TMEM255A: variants seen among roughly 807,000 people sequenced by gnomAD.
The protein encoded by TMEM255A is family with sequence similarity 70, member A.
TMEM255A carries 14 observed loss-of-function variants against 23.5 expected under a neutral mutation model. That is an observed-to-expected ratio of 0.60 (90% CI 0.39 to 0.93). The LOEUF (loss-of-function observed/expected upper bound fraction) is 0.93. Ranked by LOEUF, TMEM255A falls within the 40% of genes least tolerant of loss-of-function variation. TMEM255A has a pLI of 0.00. For synonymous variants in TMEM255A, 104 were observed against 100.3 expected, an observed-to-expected ratio of 1.04 and a Z score of -0.22; for missense variants, 233 against 261.7, an observed-to-expected ratio of 0.89 and a Z score of 0.76.
the TMEM255A span, among the ~76,000 whole-genome samples, chrX:120,253,186 C>T: frequency 8.9e-6 from 1 of 111,792 alleles, no homozygotes; most frequent in Non-Finnish European, 1.9e-5. Context: ...CTGTTCAAAT[C>T]TCTGTAACAA....
chrX:120,296,442 C>CTATT (rs2057956737), intron 2 of TMEM255A, among the ~76,000 whole-genome samples: 41 of 102,868 alleles, frequency 4.0e-4, no homozygotes, highest in African/African-American at 8.8e-4. Context: ...CTATTCCACT[C>CTATT]CAATGCATTC....
chrX:120,259,710 A>C lies in TMEM255A; in HGVS notation c.*1160T>G, dbSNP rs898950795. 2 of 112,463 alleles carry C rather than the reference A, an allele frequency of 1.8e-5. No homozygotes were observed. Among genetic ancestry groups the C allele is most frequent in the Admixed American group, 1.9e-4 (2 of 10,595 alleles). 9.3% of individuals were successfully genotyped at this position (112,463 alleles called of 1,213,427 possible). Reference sequence around the variant, plus strand: ...CTCATCAGGTTGATGGTTTAAAGCTATGTGTAATTAAAAGAACTGTACAAA... The same window carrying C: ...CTCATCAGGTTGATGGTTTAAAGCTCTGTGTAATTAAAAGAACTGTACAAA... On this transcript the variant is annotated 3_prime_UTR_variant, in exon 9 of 9. Coordinates refer to ENST00000371369, the MANE Select transcript of TMEM255A (RefSeq NM_001104544.3).
At chrX:120,262,690 C>G (rs1205333371) in intron 8 of TMEM255A, among the ~76,000 whole-genome samples, 3 of 112,032 alleles carry the variant, frequency 2.7e-5, no homozygotes, top group Non-Finnish European at 5.6e-5. Flanking sequence ...TAAGAACTCT[C>G]TCCTCTTAAC....
intron 8 of TMEM255A, among the ~76,000 whole-genome samples, chrX:120,264,969 C>A (rs2057706253): frequency 9.2e-6 from 1 of 108,921 alleles, no homozygotes; most frequent in African/African-American, 3.4e-5. Flanking sequence ...CCTCCACCTC[C>A]TGGGTTCAAG....
At chrX:120,257,184 G>A (rs782179006), downstream of TMEM255A, 13 of 122,396 alleles carry the variant, frequency 1.1e-4, no homozygotes, top group Non-Finnish European at 2.3e-4. Flanking sequence ...CTAACCCCTG[G>A]GAAATTTGAA....
chrX:120,289,282 G>C (rs1212727744), intron 4 of TMEM255A, among the ~76,000 whole-genome samples: 1 of 111,906 alleles, frequency 8.9e-6, no homozygotes, highest in Non-Finnish European at 1.9e-5. Context: ...CCAAATACTT[G>C]AGTCAAATGC....
chrX:120,283,030 G>T (rs1403805840), intron 6 of TMEM255A, among the ~76,000 whole-genome samples: 3 of 110,549 alleles, frequency 2.7e-5, no homozygotes, highest in African/African-American at 9.9e-5. Context: ...AGGAGGGAGA[G>T]AAGAGGGAGG....
chrX:120,286,849 T>C (rs1488262893), intron 5 of TMEM255A, among the ~76,000 whole-genome samples: 13 of 111,312 alleles, frequency 1.2e-4, no homozygotes, highest in African/African-American at 4.3e-4. Flanking sequence ...GGGAGGGTCA[T>C]GTCCTGTGGC....
chrX:120,254,078 A>C, downstream of TMEM255A: 2 of 1,211,477 alleles, frequency 1.7e-6, no homozygotes, highest in Non-Finnish European at 2.2e-6. Flanking sequence ...AATCTAACCC[A>C]GGCCCTGTTG....
intron 8 of TMEM255A, 136 bp from the exon 9 acceptor site, chrX:120,261,164 G>A (rs1347961203): frequency 1.1e-6 from 1 of 872,269 alleles, no homozygotes; most frequent in African/African-American, 2.1e-5. Context: ...ACCTCACAGA[G>A]TTAATGAGCC....
chrX:120,261,175 TG>T, intron 8 of TMEM255A, 147 bp from the exon 9 acceptor site: 3 of 801,951 alleles, frequency 3.7e-6, no homozygotes, highest in South Asian at 3.5e-5. Flanking sequence ...TTAATGAGCC[TG>T]GAACAGGTGG....
intron 1 of TMEM255A, among the ~76,000 whole-genome samples, chrX:120,308,566 C>T (rs1195223960): frequency 8.9e-6 from 1 of 111,860 alleles, no homozygotes; most frequent in Non-Finnish European, 1.9e-5. Context: ...CACACAAGGG[C>T]CTCAAGACCC....
At chrX:120,254,644 T>C (rs782012980), downstream of TMEM255A, 1 of 1,210,276 alleles carries the variant, frequency 8.3e-7, no homozygotes, top group East Asian at 3.0e-5. Flanking sequence ...AAACATCTAA[T>C]GGAGGGTCAG....
At chrX:120,296,829 TATGATATATAA>T (rs1556024402) in intron 2 of TMEM255A, among the ~76,000 whole-genome samples, 10 of 16,928 alleles carry the variant, frequency 5.9e-4, no homozygotes, top group African/African-American at 3.1e-3. Context: ...ATATAATATA[TATGATATATAA>T]TATATATCAT....
rs11342181 is a variant in TMEM255A at position 120,275,784 on chromosome X, A to ATTTTTTTTTTTT, written c.675+1089_675+1100dup. Among the ~76,000 whole-genome samples the ATTTTTTTTTTTT allele has an allele frequency of 3.0e-4, 18 of 60,250 alleles. 2 individuals are homozygous for ATTTTTTTTTTTT. The highest frequency in any genetic ancestry group is 1.1e-3 in the African/African-American group (16 of 14,095). The allele number at this position is 60,250 out of a possible 115,157, so 52.3% of individuals were successfully genotyped here. On this transcript the variant is annotated intron_variant, in intron 7 of 8. Transcript: ENST00000371369. ...GAATCTTTAGAGAAGGAGCCCAAGC[A>ATTTTTTTTTTTT]TTTTTTTTTTTTTTTTTTTTTTTTT...
intron 6 of TMEM255A, among the ~76,000 whole-genome samples, chrX:120,281,702 T>G (rs1456121915): frequency 8.9e-6 from 1 of 112,593 alleles, no homozygotes; most frequent in African/African-American, 3.2e-5. Flanking sequence ...TCTTTCATTT[T>G]ATTACCAGCT....
At chrX:120,283,055 G>A (rs1457289900) in intron 6 of TMEM255A, among the ~76,000 whole-genome samples, 4 of 110,200 alleles carry the variant, frequency 3.6e-5, no homozygotes, top group African/African-American at 1.3e-4. Context: ...AAAAACAAAG[G>A]GAAAGACAGA....
intron 7 of TMEM255A, among the ~76,000 whole-genome samples, chrX:120,268,698 G>A (rs2147182427): frequency 9.0e-6 from 1 of 111,446 alleles, no homozygotes; most frequent in African/African-American, 3.3e-5. Flanking sequence ...TTATCTCTGG[G>A]GAGCAGAGTA....
chrX:120,288,609 C>T (rs1556022289), intron 4 of TMEM255A, among the ~76,000 whole-genome samples: 2 of 112,127 alleles, frequency 1.8e-5, no homozygotes, highest in Non-Finnish European at 3.8e-5. Flanking sequence ...TGATACTCTT[C>T]ATTGAGGCCC....
Sources: gnomAD v4.1 joint callset for allele counts (sites outside exome capture counted in the v4.1 genomes callset) on GRCh38, gnomAD v4.1.1 for gene constraint, MANE v1.5 for transcripts, NCBI Gene and HGNC (gene_info 2026-07-23, HGNC 2026-07-21) for gene names.